Variants in DLG2 observed in about 807,000 individuals in gnomAD.
DLG2 encodes disks large homolog 2.
Under a neutral mutation model 132.5 loss-of-function variants are expected in DLG2, and 45 were observed. The ratio of observed to expected loss-of-function variants is 0.34; its 90% CI spans 0.27 to 0.44. The LOEUF (loss-of-function observed/expected upper bound fraction) is 0.44. DLG2 is among the 20% of genes least tolerant of loss of function. The pLI is 1.00. For missense variants in DLG2, 1,045 were observed against 1,196.9 expected, an observed-to-expected ratio of 0.87 and a Z score of 1.87; for synonymous variants, 424 against 419.6, an observed-to-expected ratio of 1.01 and a Z score of -0.13.
chr11:85,420,902 C>A (rs1233919286), intron 3 of DLG2, among the ~76,000 whole-genome samples: 3 of 152,216 alleles, frequency 2.0e-5, no homozygotes, highest in Non-Finnish European at 2.9e-5. Context: ...TGAGCTAGAC[C>A]ACTTGGCTTC....
chr11:83,806,411 C>T (rs1319318152), intron 17 of DLG2, among the ~76,000 whole-genome samples: 1 of 152,070 alleles, frequency 6.6e-6, no homozygotes, highest in African/African-American at 2.4e-5. Flanking sequence ...TTTACATATC[C>T]CCAGCTACAT....
chr11:84,923,121 C>T lies in DLG2; in HGVS notation c.357+188540G>A. On this transcript the variant is annotated intron_variant, in intron 6 of 27. Transcript: ENST00000376104. ...GCACAGTAACATGCAAAGAACATTG[C>T]AGTAAATAAGGAGCATATGGACCGG... The T allele has an allele frequency of 2.5e-6, 4 of 1,613,814 alleles. 1 individual carries two copies. The highest frequency in any genetic ancestry group is 3.4e-6 in the Non-Finnish European group (4 of 1,179,914).
At chr11:84,923,550 T>C (rs1405789917) in intron 6 of DLG2, 3 of 1,009,056 alleles carry the variant, frequency 3.0e-6, no homozygotes, top group Admixed American at 5.4e-5. Flanking sequence ...TGTTATCCTA[T>C]TAAATACTTT....
intron 6 of DLG2, among the ~76,000 whole-genome samples, chr11:84,623,075 T>C (rs550800404): frequency 6.6e-6 from 1 of 152,300 alleles, no homozygotes; most frequent in Non-Finnish European, 1.5e-5. Flanking sequence ...ATCCTATCAG[T>C]TGTTTGAAGA....
At chr11:85,592,539 G>A (rs2079429537) in intron 3 of DLG2, among the ~76,000 whole-genome samples, 1 of 152,150 alleles carries the variant, frequency 6.6e-6, no homozygotes, top group Non-Finnish European at 1.5e-5. Flanking sequence ...GATACTTATT[G>A]TAACAGAATT....
chr11:83,968,705 G>A (rs949799226), intron 12 of DLG2, among the ~76,000 whole-genome samples: 1 of 152,112 alleles, frequency 6.6e-6, no homozygotes, highest in East Asian at 1.9e-4. Flanking sequence ...TAAGAAACTT[G>A]CCCCAAGTCA....
rs575813285 is a variant in DLG2, at chr11:83,456,988, T to G, written c.*2830A>C. 1 of 152,762 alleles carries G rather than the reference T, an allele frequency of 6.5e-6. No homozygotes were observed. The highest frequency in any genetic ancestry group is 6.5e-5 in the Admixed American group (1 of 15,306). 9.5% of individuals were successfully genotyped at this position (152,762 alleles called of 1,614,324 possible). On this transcript the variant is annotated 3_prime_UTR_variant, in exon 28 of 28. Coordinates refer to ENST00000376104, the MANE Select transcript of DLG2 (RefSeq NM_001142699.3). ...AGCAAAAAACAAATGCCTCTGCACT[T>G]AGCTGACAAATGGAATTTTGATTTT...
chr11:83,499,933 G>A lies in DLG2; in HGVS notation c.2194-15705C>T, dbSNP rs138937706. Reference sequence around the variant, plus strand: ...CCCTCCAGAGAACTCTGACTAATACGACAGTCAAGAGCTCTGCTTAATTCC... The same window carrying A: ...CCCTCCAGAGAACTCTGACTAATACAACAGTCAAGAGCTCTGCTTAATTCC... On this transcript the variant is annotated intron_variant, in intron 21 of 27. Transcript: ENST00000376104. Among the ~76,000 whole-genome samples, 216 of 130,342 alleles carry A rather than the reference G, an allele frequency of 1.7e-3. 2 individuals are homozygous for A. The highest frequency in any genetic ancestry group is 5.8e-3 in the African/African-American group (206 of 35,644). The allele number at this position is 130,342 out of a possible 152,430, so 85.5% of individuals were successfully genotyped here.
At chr11:84,302,852 C>T (rs187020095) in intron 7 of DLG2, among the ~76,000 whole-genome samples, 95 of 151,896 alleles carry the variant, frequency 6.3e-4, no homozygotes, top group South Asian at 1.3e-3. Context: ...TTTGGGAGAC[C>T]GAGGAAGGTG....
At chr11:84,232,455 C>A (rs981341273) in intron 8 of DLG2, among the ~76,000 whole-genome samples, 1 of 152,128 alleles carries the variant, frequency 6.6e-6, no homozygotes, top group East Asian at 1.9e-4. Flanking sequence ...GAGATTTCTA[C>A]GGACTGAATC....
intron 18 of DLG2, among the ~76,000 whole-genome samples, chr11:83,770,512 A>T (rs2051488481): frequency 6.6e-6 from 1 of 152,154 alleles, no homozygotes; most frequent in Admixed American, 6.5e-5. Flanking sequence ...TATAGCTGAG[A>T]AGAGGATGAT....
At chr11:83,516,885 G>A (rs966013910) in intron 21 of DLG2, among the ~76,000 whole-genome samples, 26 of 151,866 alleles carry the variant, frequency 1.7e-4, no homozygotes, top group South Asian at 8.4e-4. Flanking sequence ...AGTTTCTGCC[G>A]AGAGATCCGC....
intron 6 of DLG2, among the ~76,000 whole-genome samples, chr11:85,000,605 T>A (rs758907561): frequency 6.6e-6 from 1 of 152,198 alleles, no homozygotes; most frequent in Non-Finnish European, 1.5e-5. Flanking sequence ...CTATACTACA[T>A]GCTTAATATG....
rs375052512 is a variant in DLG2 at position 84,872,632 on chromosome 11, TGTG to T, written c.357+239026_357+239028del. Among the ~76,000 whole-genome samples, 575 of 152,354 alleles carry T rather than the reference TGTG, an allele frequency of 3.8e-3. 3 individuals are homozygous for T. The highest frequency in any genetic ancestry group is 0.014 in the African/African-American group (564 of 41,586). On this transcript the variant is annotated intron_variant, in intron 6 of 27. Transcript: ENST00000376104. ...GTTGTATCTTGAAAGTTGAGTTGGA[TGTG>T]CTTAGTTACCTCTAATCTTTGTTGC...
rs540988691 is a variant in DLG2 at position 84,436,225 on chromosome 11, C to T, written c.519+98345G>A. ...GTGTTATTAAATAACAAGTCAGTTA[C>T]GTTCTAAAATTGTCAGATCTGGACA... On this transcript the variant is annotated intron_variant, in intron 7 of 27. Transcript: ENST00000376104. Among the ~76,000 whole-genome samples the T allele has an allele frequency of 6.6e-5, 10 of 152,264 alleles. No individual in the cohort carries two copies. The East Asian group carries it at 1.2e-3, about 18-fold the overall frequency.
intron 18 of DLG2, among the ~76,000 whole-genome samples, chr11:83,781,952 T>C (rs1328366663): frequency 6.6e-6 from 1 of 152,230 alleles, no homozygotes; most frequent in Non-Finnish European, 1.5e-5. Flanking sequence ...CAATTCCCTT[T>C]TTATTCATCA....
rs76270251 is a variant in DLG2, at chr11:85,040,846, T to A, written c.357+70815A>T. ...TGTATAAAGTTCTAAATACAGCAAC[T>A]AAAACCTAGTTAGTACCATAAAGTA... On this transcript the variant is annotated intron_variant, in intron 6 of 27. Coordinates refer to ENST00000376104, the MANE Select transcript of DLG2 (RefSeq NM_001142699.3). Among the ~76,000 whole-genome samples the A allele has an allele frequency of 4.6e-3, 700 of 152,028 alleles. 6 individuals are homozygous for A. The highest frequency in any genetic ancestry group is 0.016 in the African/African-American group (659 of 41,534).
At chr11:83,532,077 T>C (rs149246317) in intron 21 of DLG2, among the ~76,000 whole-genome samples, 33 of 152,218 alleles carry the variant, frequency 2.2e-4, no homozygotes, top group African/African-American at 7.7e-4. Context: ...ATTGTGGTGA[T>C]GGTTGAATAA....
intron 17 of DLG2, among the ~76,000 whole-genome samples, chr11:83,808,079 C>G (rs1051306470): frequency 1.3e-5 from 2 of 152,112 alleles, no homozygotes; most frequent in Non-Finnish European, 2.9e-5. Context: ...ACAGCAGCCT[C>G]GTGCCGGTCA....
Sources: allele counts gnomAD v4.1 joint callset (sites outside exome capture counted in the v4.1 genomes callset), GRCh38; gene constraint gnomAD v4.1.1; transcripts MANE v1.5; gene names NCBI Gene and HGNC (gene_info 2026-07-23, HGNC 2026-07-21).